CACNA1E: variants seen among roughly 807,000 people sequenced by gnomAD.
CACNA1E encodes voltage-dependent R-type calcium channel subunit alpha-1E.
In CACNA1E, 40 loss-of-function variants were observed where a neutral mutation model predicts 259.2. That is an observed-to-expected ratio of 0.15 (90% CI 0.12 to 0.20). The LOEUF is 0.20. Among genes scored for constraint, CACNA1E ranks in the 10% least tolerant of loss-of-function variants. CACNA1E has a pLI of 1.00. For missense variants in CACNA1E, 1,874 were observed against 3,040.1 expected, an observed-to-expected ratio of 0.62 and a Z score of 9.02; for synonymous variants, 1,104 against 1,138.5, an observed-to-expected ratio of 0.97 and a Z score of 0.61.
At chr1:181,437,318 A>G (rs1033954464) in intron 2 of CACNA1E, among the ~76,000 whole-genome samples, 4 of 152,126 alleles carry the variant, frequency 2.6e-5, no homozygotes, top group African/African-American at 9.7e-5. Flanking sequence ...CAGCTCTACT[A>G]GATCATCCCA....
chr1:181,480,991 G>C (rs1042474347), upstream of CACNA1E, among the ~76,000 whole-genome samples: 3 of 152,154 alleles, frequency 2.0e-5, no homozygotes, highest in African/African-American at 7.2e-5. Flanking sequence ...ATTTCTGAAA[G>C]CCCTTTTTCT....
At chr1:181,597,667 A>G (rs1012413828) in intron 6 of CACNA1E, among the ~76,000 whole-genome samples, 2 of 152,150 alleles carry the variant, frequency 1.3e-5, no homozygotes, top group Admixed American at 1.3e-4. Flanking sequence ...CTATAAAGAC[A>G]TACCTGAGAC....
chr1:181,506,365 C>T (rs1282685082), intron 1 of CACNA1E, among the ~76,000 whole-genome samples: 5 of 152,122 alleles, frequency 3.3e-5, no homozygotes, highest in Non-Finnish European at 5.9e-5. Flanking sequence ...AGTGGTGCCT[C>T]GGAGGCAGCC....
At chr1:181,613,977 G>A (rs953029815) in intron 6 of CACNA1E, among the ~76,000 whole-genome samples, 11 of 151,998 alleles carry the variant, frequency 7.2e-5, no homozygotes, top group Admixed American at 6.6e-4. Context: ...TCCTTTGCTG[G>A]CATTAAAGTC....
chr1:181,401,262 T>A (rs1426438684), intron 1 of CACNA1E, among the ~76,000 whole-genome samples: 1 of 152,158 alleles, frequency 6.6e-6, no homozygotes, highest in Non-Finnish European at 1.5e-5. Context: ...CTAACTCCCA[T>A]CCTTCCTGCC....
chr1:181,665,156 TAC>T (rs10603505), intron 7 of CACNA1E, among the ~76,000 whole-genome samples: 122,144 of 150,008 alleles, frequency 0.81, 49,784 homozygotes, highest in African/African-American at 0.89. Context: ...TATATACCTA[TAC>T]ACACACACAC....
In CACNA1E at chr1:181,772,346, C is replaced by A. The variant is rs576820776; in HGVS notation, c.5139+115C>A. ...GTGTATGTTTGTGCCTCCCTCCCCT[C>A]CTCTCTCCACACCCCCACCATGCAC... On this transcript the variant is annotated intron_variant, in intron 37 of 47. Transcript: ENST00000367573. The A allele has an allele frequency of 6.2e-6, 6 of 971,966 alleles. No homozygotes were observed. The African/African-American group carries it at 8.0e-5, about 13-fold the overall frequency. The allele number at this position is 971,966 out of a possible 1,614,324, so 60.2% of individuals were successfully genotyped here.
At chr1:181,645,287 A>G (rs1048901926) in intron 6 of CACNA1E, among the ~76,000 whole-genome samples, 2 of 152,124 alleles carry the variant, frequency 1.3e-5, no homozygotes, top group East Asian at 3.9e-4. Context: ...GGTTATCTAG[A>G]GGCTGGTTGT....
chr1:181,732,737 T>A lies in CACNA1E; in HGVS notation c.2651T>A (p.Leu884Gln), dbSNP rs1655620174. The change falls in exon 20 of 48, where the codon CTG becomes CAG. Residue 884 changes from leucine (L) to glutamine (Q), a missense_variant. Transcript: ENST00000367573. This position sits in a 1 kb window ranked among gnomAD's most constrained non-coding sequence, Gnocchi z 5.5. Reference sequence around the variant, plus strand: ...CTGGGCCAGCGGGAGCCACCATGGCTGGCCAGGCCCTGTCATGGAAACTGT... The same window carrying A: ...CTGGGCCAGCGGGAGCCACCATGGCAGGCCAGGCCCTGTCATGGAAACTGT... ...LSLGQREPPW[L>Q]ARPCHGNCDP... 6.4e-7 allele frequency: 1 copy of A among 1,554,030 alleles called. No individual in the cohort carries two copies. Among genetic ancestry groups the A allele is most frequent in the Non-Finnish European group, 8.7e-7 (1 of 1,150,802 alleles).
intron 2 of CACNA1E, among the ~76,000 whole-genome samples, chr1:181,450,142 G>A (rs762535687): frequency 3.3e-5 from 5 of 152,136 alleles, no homozygotes; most frequent in Non-Finnish European, 7.4e-5. Flanking sequence ...AGGGGGAAGG[G>A]CTACACACTT....
chr1:181,542,251 T>G (rs1221641555), intron 3 of CACNA1E, among the ~76,000 whole-genome samples: 2 of 144,250 alleles, frequency 1.4e-5, no homozygotes, highest in Admixed American at 1.4e-4. Flanking sequence ...AAAAACACTC[T>G]CAGATTCCCC....
intron 6 of CACNA1E, among the ~76,000 whole-genome samples, chr1:181,619,089 T>A (rs1248829990): frequency 6.6e-6 from 1 of 151,998 alleles, no homozygotes; most frequent in Non-Finnish European, 1.5e-5. Context: ...ACAATCCAAA[T>A]CCCTGCCCTC....
chr1:181,759,388 G>T (rs1446042204), intron 32 of CACNA1E, among the ~76,000 whole-genome samples: 2 of 122,620 alleles, frequency 1.6e-5, no homozygotes, highest in African/African-American at 6.2e-5. Flanking sequence ...ACCTTTAAGG[G>T]GTGTGTCTGT....
chr1:181,486,133 G>A lies in CACNA1E; in HGVS notation c.266+2123G>A, dbSNP rs562923811. ...GCGAGCGCGCAAGGTGCGGCTGTGA[G>A]TCTTACTCCTCCCTTTCCTTGTCTT... On this transcript the variant is annotated intron_variant, in intron 1 of 47. Coordinates refer to ENST00000367573, the MANE Select transcript of CACNA1E (RefSeq NM_001205293.3). Among the ~76,000 whole-genome samples the A allele has an allele frequency of 9.3e-4, 142 of 152,368 alleles. 1 individual carries two copies. The Middle Eastern group carries it at 0.034, about 36-fold the overall frequency.
chr1:181,510,467 G>T lies in CACNA1E; in HGVS notation c.267-10G>T, dbSNP rs368533867. ...TCTGGTGAATTTGTTCCTTAACTCC[G>T]CTTTCCCACGCCATTTGAGTACATG... On this transcript the variant is annotated splice_polypyrimidine_tract_variant and intron_variant, in intron 1 of 47. Coordinates refer to ENST00000367573, the MANE Select transcript of CACNA1E (RefSeq NM_001205293.3). 12 of 1,605,924 alleles carry T rather than the reference G, an allele frequency of 7.5e-6. No homozygotes were observed. In the Admixed American group the frequency reaches 1.7e-4, roughly 22 times the overall value.
rs780653411 is a variant in CACNA1E at position 181,798,716 on chromosome 1, G to T, written c.6824G>T (p.Ser2275Ile). The change falls in exon 48 of 48, where the codon AGC becomes ATC. Residue 2275 changes from serine (S) to isoleucine (I), a missense_variant. Transcript: ENST00000367573. This position sits in a 1 kb window ranked among gnomAD's most constrained non-coding sequence, Gnocchi z 4.2. The part of the protein sequence containing the change: ...TIGSAPPLRH[S>I]WQMPNGHYRR... ...GGCTCAGCCCCACCCCTGCGGCATA[G>T]CTGGCAGATGCCCAACGGGCACTAT... 6.2e-7 allele frequency: 1 copy of T among 1,608,682 alleles called. No homozygotes were observed. Among genetic ancestry groups the T allele is most frequent in the Non-Finnish European group, 8.5e-7 (1 of 1,176,664 alleles).
Position 181,523,951 on chromosome 1 carries a change from C to T in CACNA1E, c.512+12441C>T, listed in dbSNP as rs555205314. ...ATTGGAGTTCACGAGATATATGGCC[C>T]GTGTTTGATTTTTGGTATTTGGTAG... is the stretch of plus-strand genomic sequence containing the variant. On this transcript the variant is annotated intron_variant, in intron 3 of 47. Coordinates refer to ENST00000367573, the MANE Select transcript of CACNA1E (RefSeq NM_001205293.3). Among the ~76,000 whole-genome samples, 231 of 152,286 alleles carry T rather than the reference C, an allele frequency of 1.5e-3. 1 individual carries two copies. The highest frequency in any genetic ancestry group is 2.7e-3 in the Non-Finnish European group (185 of 68,030).
chr1:181,732,340 A>G lies in CACNA1E; in HGVS notation c.2298-44A>G. 1 of 1,463,496 alleles carries G rather than the reference A, an allele frequency of 6.8e-7. No individual in the cohort carries two copies. The highest frequency in any genetic ancestry group is 9.0e-7 in the Non-Finnish European group (1 of 1,107,680). The allele number at this position is 1,463,496 out of a possible 1,614,324, so 90.7% of individuals were successfully genotyped here. A position where few individuals can be genotyped will look rare whatever the true frequency, so the allele number is the denominator to read the frequency against. On this transcript the variant is annotated intron_variant, in intron 19 of 47. Coordinates refer to ENST00000367573, the MANE Select transcript of CACNA1E (RefSeq NM_001205293.3). The surrounding 1 kb of genome is among the most constrained non-coding windows in gnomAD (Gnocchi z 5.5). ...CCCTGTGGCCACCCTCCCTGCCTGC[A>G]GCTTCTGGGCTCTGACCGCGGCCCT... is the stretch of plus-strand genomic sequence containing the variant.
chr1:181,630,386 C>A (rs1656605166), intron 6 of CACNA1E, among the ~76,000 whole-genome samples: 1 of 148,676 alleles, frequency 6.7e-6, no homozygotes, highest in Non-Finnish European at 1.5e-5. Context: ...ATTAACATGC[C>A]CCCCCACCCC....
Sources: gnomAD v4.1 joint callset for allele counts (sites outside exome capture counted in the v4.1 genomes callset) on GRCh38, gnomAD v4.1.1 for gene constraint, Gnocchi (gnomAD v3.1) non-coding constraint, MANE v1.5 for transcripts, NCBI Gene and HGNC (gene_info 2026-07-23, HGNC 2026-07-21) for gene names.